INPP5A: variants seen among roughly 807,000 people sequenced by gnomAD.
INPP5A encodes the protein inositol polyphosphate-5-phosphatase A.
Under a neutral mutation model 65.2 loss-of-function variants are expected in INPP5A, and 14 were observed. That is an observed-to-expected ratio of 0.21 (90% CI 0.14 to 0.34). INPP5A has a LOEUF of 0.34. Ranked by LOEUF, INPP5A falls within the 10% of genes least tolerant of loss-of-function variation. The pLI, the probability that INPP5A is intolerant of heterozygous loss-of-function variation, is 1.00. For missense variants in INPP5A, 431 were observed against 545.6 expected, an observed-to-expected ratio of 0.79 and a Z score of 2.09; for synonymous variants, 207 against 208.3, an observed-to-expected ratio of 0.99 and a Z score of 0.05.
At chr10:132,673,822 C>T (rs2072926612) in intron 4 of INPP5A, among the ~76,000 whole-genome samples, 1 of 152,258 alleles carries the variant, frequency 6.6e-6, no homozygotes, top group Non-Finnish European at 1.5e-5. Context: ...ATATAATCAA[C>T]CTGCCACCAG....
chr10:132,734,712 C>G (rs1406145573), intron 9 of INPP5A, among the ~76,000 whole-genome samples: 1 of 152,234 alleles, frequency 6.6e-6, no homozygotes, highest in Non-Finnish European at 1.5e-5. Flanking sequence ...GTTTGCCTGG[C>G]GGCTGCCTCC....
chr10:132,689,457 G>A (rs1304226941), intron 4 of INPP5A, among the ~76,000 whole-genome samples: 2 of 152,202 alleles, frequency 1.3e-5, no homozygotes, highest in Non-Finnish European at 2.9e-5. Flanking sequence ...TGTTTGTTAA[G>A]TCAGGTTTAT....
intron 4 of INPP5A, among the ~76,000 whole-genome samples, chr10:132,654,174 C>T (rs948179661): frequency 4.6e-5 from 7 of 152,202 alleles, no homozygotes; most frequent in African/African-American, 1.2e-4. Context: ...GGCCTGCTCT[C>T]GGGGAACTGT....
At position 132,546,248 on chromosome 10, in the gene INPP5A, G is replaced by T. The variant is rs557965634; in HGVS notation, c.75+8077G>T. Among the ~76,000 whole-genome samples, 1 of 152,246 alleles carries T rather than the reference G, an allele frequency of 6.6e-6. No individual in the cohort carries two copies. Among genetic ancestry groups the T allele is most frequent in the Non-Finnish European group, 1.5e-5 (1 of 68,034 alleles). On this transcript the variant is annotated intron_variant, in intron 1 of 15. Transcript: ENST00000368594. The surrounding 1 kb of genome is among the most constrained non-coding windows in gnomAD (Gnocchi z 5.7). ...GCTCCCAGCCCGCGGGGGTCTTGGC[G>T]TTGGCGCAGAAGTGGTTTCCCAGCG...
At chr10:132,748,482 C>T (rs1343467988) in intron 9 of INPP5A, among the ~76,000 whole-genome samples, 1 of 152,216 alleles carries the variant, frequency 6.6e-6, no homozygotes, top group Non-Finnish European at 1.5e-5. Flanking sequence ...AGCTCAGTGC[C>T]CACAAGGCCC....
intron 1 of INPP5A, among the ~76,000 whole-genome samples, chr10:132,595,918 A>C (rs1590855136): frequency 6.6e-6 from 1 of 151,072 alleles, no homozygotes; most frequent in African/African-American, 2.4e-5. Context: ...CATTTCCCAT[A>C]TTTTCATAGT....
intron 4 of INPP5A, among the ~76,000 whole-genome samples, chr10:132,653,157 G>T (rs1320228046): frequency 6.6e-6 from 1 of 152,238 alleles, no homozygotes; most frequent in East Asian, 1.9e-4. Context: ...ACCTGAGAGC[G>T]AGGCACACAT....
intron 4 of INPP5A, among the ~76,000 whole-genome samples, chr10:132,671,384 G>A (rs951409239): frequency 1.2e-4 from 18 of 148,084 alleles, no homozygotes; most frequent in African/African-American, 3.8e-4. Flanking sequence ...TTCGGACTCC[G>A]CCCTCCCTGC....
chr10:132,755,018 TGTGA>T (rs755596196), intron 11 of INPP5A, among the ~76,000 whole-genome samples: 17 of 151,796 alleles, frequency 1.1e-4, no homozygotes, highest in South Asian at 4.2e-4. Flanking sequence ...TGTGAGCCTG[TGTGA>T]GTATGCGTGT....
chr10:132,598,203 G>A (rs1206809662), intron 1 of INPP5A, among the ~76,000 whole-genome samples: 2 of 152,180 alleles, frequency 1.3e-5, no homozygotes, highest in East Asian at 3.8e-4. Context: ...CTTGAGTGGC[G>A]CTGTGGCGAT....
At position 132,765,724 on chromosome 10, in the gene INPP5A, A is replaced by G. The variant is rs200317542; in HGVS notation, c.904-49A>G. ...GCTGCACACAGACACACGTGCCCCCAGCGAGGAAAACCAATGTGACTTTAT... is the reference window on the plus strand; with the variant it reads ...GCTGCACACAGACACACGTGCCCCCGGCGAGGAAAACCAATGTGACTTTAT... On this transcript the variant is annotated intron_variant, in intron 11 of 15. Transcript: ENST00000368594. 6.2e-4 allele frequency: 714 copies of G among 1,143,916 alleles called. 9 individuals carry two copies. The South Asian group carries it at 8.4e-3, about 13-fold the overall frequency. 70.9% of individuals were successfully genotyped at this position (1,143,916 alleles called of 1,614,324 possible).
intron 4 of INPP5A, among the ~76,000 whole-genome samples, chr10:132,673,039 TG>T (rs1564958649): frequency 6.6e-6 from 1 of 152,216 alleles, no homozygotes; most frequent in African/African-American, 2.4e-5. Flanking sequence ...GACGCCCTAA[TG>T]GATCTCCTGT....
chr10:132,779,596 A>T (rs925708336), intron 13 of INPP5A, among the ~76,000 whole-genome samples: 2 of 152,192 alleles, frequency 1.3e-5, no homozygotes, highest in African/African-American at 4.8e-5. Flanking sequence ...TTGACACTTT[A>T]TGCTCAGGGT....
chr10:132,709,288 G>T, intron 7 of INPP5A, among the ~76,000 whole-genome samples: 1 of 115,526 alleles, frequency 8.7e-6, no homozygotes, highest in East Asian at 3.2e-4. Context: ...GGAGGAGGGG[G>T]AGGAGGAGGG....
chr10:132,718,363 G>A (rs1279312627), intron 8 of INPP5A, among the ~76,000 whole-genome samples: 1 of 150,826 alleles, frequency 6.6e-6, no homozygotes, highest in African/African-American at 2.4e-5. Context: ...TGTCTTCAGG[G>A]TTCTGTGGTG....
Position 132,627,246 on chromosome 10 carries a change from T to C in INPP5A, c.118-18622T>C, listed in dbSNP as rs1242849639. 6.6e-6 allele frequency among the ~76,000 whole-genome samples: 1 copy of C among 151,774 alleles called. No homozygotes were observed. The highest frequency in any genetic ancestry group is 6.5e-5 in the Admixed American group (1 of 15,270). On this transcript the variant is annotated intron_variant, in intron 2 of 15. Transcript: ENST00000368594. The surrounding 1 kb of genome is among the most constrained non-coding windows in gnomAD (Gnocchi z 6.6). ...TTTAGGCTCTCTGGTCTGTGGCATT[T>C]TGTGATGGAGCCTCTGCCGACCGAG...
At chr10:132,689,064 G>A (rs1297524163) in intron 4 of INPP5A, among the ~76,000 whole-genome samples, 1 of 152,248 alleles carries the variant, frequency 6.6e-6, no homozygotes, top group African/African-American at 2.4e-5. Flanking sequence ...GTGTGCATGT[G>A]TGTACATGAA....
chr10:132,614,444 G>T (rs1482356918), intron 2 of INPP5A, among the ~76,000 whole-genome samples: 3 of 152,170 alleles, frequency 2.0e-5, no homozygotes, highest in Non-Finnish European at 4.4e-5. Flanking sequence ...TCCAGCCTGG[G>T]TGATGGAGTG....
intron 1 of INPP5A, among the ~76,000 whole-genome samples, chr10:132,567,015 G>A (rs1229455148): frequency 1.3e-5 from 2 of 152,200 alleles, no homozygotes; most frequent in Admixed American, 6.5e-5. Flanking sequence ...GAGGCACAGG[G>A]TATTAGTCCG....
Sources: gnomAD v4.1 joint callset for allele counts (sites outside exome capture counted in the v4.1 genomes callset) on GRCh38, gnomAD v4.1.1 for gene constraint, Gnocchi (gnomAD v3.1) non-coding constraint, MANE v1.5 for transcripts, NCBI Gene and HGNC (gene_info 2026-07-23, HGNC 2026-07-21) for gene names.